Variants in CRYBG1 observed in about 807,000 individuals in gnomAD.
CRYBG1 encodes the protein crystallin beta-gamma domain containing 1.
CRYBG1 carries 139 observed loss-of-function variants against 189.2 expected under a neutral mutation model. The observed-to-expected ratio is 0.73, with a 90% CI of 0.64 to 0.85. CRYBG1 has a LOEUF of 0.85. Ranked by LOEUF, CRYBG1 falls within the 40% of genes least tolerant of loss-of-function variation. The pLI, the probability that CRYBG1 is intolerant of heterozygous loss-of-function variation, is 0.00. For synonymous variants in CRYBG1, 1,023 were observed against 1,017.1 expected (o/e 1.01, Z -0.11); for missense variants, 2,611 against 2,675.8 (o/e 0.98, Z 0.53).
intron 1 of CRYBG1, among the ~76,000 whole-genome samples, chr6:106,375,425 A>AAGTAAGTAAGTAAG (rs374045932): frequency 2.6e-4 from 31 of 120,436 alleles, no homozygotes; most frequent in African/African-American, 4.3e-4. Flanking sequence ...AAGTAAGTAA[A>AAGTAAGTAAGTAAG]TAAATAAATA....
intron 13 of CRYBG1, among the ~76,000 whole-genome samples, chr6:106,551,354 TTA>T (rs1774399775): frequency 6.6e-6 from 1 of 152,246 alleles, no homozygotes. Flanking sequence ...TCATTCTTTT[TTA>T]TGGCTGTATA....
chr6:106,464,009 T>C (rs1772063934), intron 2 of CRYBG1, among the ~76,000 whole-genome samples: 1 of 152,108 alleles, frequency 6.6e-6, no homozygotes, highest in Non-Finnish European at 1.5e-5. Flanking sequence ...AACCAAAATG[T>C]GTGAGTGGAG....
intron 18 of CRYBG1, 129 bp downstream of exon 18, chr6:106,558,754 G>T: frequency 1.4e-6 from 1 of 717,620 alleles, no homozygotes; most frequent in Non-Finnish European, 2.1e-6. Flanking sequence ...TTTGAATCCA[G>T]GGATTCAAGA....
At chr6:106,538,388 A>ATT (rs1562110350) in intron 8 of CRYBG1, among the ~76,000 whole-genome samples, 1 of 152,132 alleles carries the variant, frequency 6.6e-6, no homozygotes, top group African/African-American at 2.4e-5. Context: ...TGACAAGCTG[A>ATT]TAGAAGGGTG....
chr6:106,568,701 T>C lies in CRYBG1; in HGVS notation c.*135T>C. On this transcript the variant is annotated 3_prime_UTR_variant, in exon 22 of 22. Coordinates refer to ENST00000633556, the MANE Select transcript of CRYBG1 (RefSeq NM_001371242.2). ...TGATTCTAAATTCAACCTTAAATCA[T>C]GCTGCCATGACTCAGAGAACTTACT... 1.6e-6 allele frequency: 1 copy of C among 618,560 alleles called. No homozygotes were observed. The highest frequency in any genetic ancestry group is 1.8e-5 in the African/African-American group (1 of 54,620). The allele number at this position is 618,560 out of a possible 1,614,324, so 38.3% of individuals were successfully genotyped here. A position where few individuals can be genotyped will look rare whatever the true frequency, so the allele number is the denominator to read the frequency against.
chr6:106,440,974 G>A (rs549722615), intron 1 of CRYBG1, among the ~76,000 whole-genome samples: 1 of 152,182 alleles, frequency 6.6e-6, no homozygotes, highest in African/African-American at 2.4e-5. Flanking sequence ...TCTTTTTGCT[G>A]TAGTGTAATA....
chr6:106,553,234 C>G (rs920550199), intron 15 of CRYBG1, among the ~76,000 whole-genome samples: 4 of 152,178 alleles, frequency 2.6e-5, no homozygotes, highest in African/African-American at 4.8e-5. Flanking sequence ...TTGCATTTTA[C>G]TTTGATGTCT....
intron 1 of CRYBG1, among the ~76,000 whole-genome samples, chr6:106,436,931 T>G (rs1251807461): frequency 6.8e-6 from 1 of 147,474 alleles, no homozygotes; most frequent in Non-Finnish European, 1.5e-5. Context: ...CCGAGTAGTA[T>G]GTTAAACCAT....
rs373644273 is a variant in CRYBG1 at position 106,377,621 on chromosome 6, T to TTATA, written c.173+16564_173+16567dup. On this transcript the variant is annotated intron_variant, in intron 1 of 21. Coordinates refer to ENST00000633556, the MANE Select transcript of CRYBG1 (RefSeq NM_001371242.2). ...TGTGTAACTCATAAGTCCTAAGGTT[T>TTATA]TATATATATATATATATATATATAT... 2.3e-3 allele frequency among the ~76,000 whole-genome samples: 163 copies of TTATA among 69,490 alleles called. 10 individuals are homozygous for TTATA. The highest frequency in any genetic ancestry group is 9.3e-3 in the Middle Eastern group (1 of 108). The allele number at this position is 69,490 out of a possible 152,430, so 45.6% of individuals were successfully genotyped here.
intron 1 of CRYBG1, among the ~76,000 whole-genome samples, chr6:106,365,237 T>C (rs1471754557): frequency 6.6e-6 from 1 of 152,068 alleles, no homozygotes; most frequent in Non-Finnish European, 1.5e-5. Context: ...AAGACCAGCC[T>C]GGCCAACATG....
chr6:106,457,273 A>T (rs1424222923), intron 2 of CRYBG1: 3 of 152,194 alleles, frequency 2.0e-5, no homozygotes, highest in African/African-American at 7.2e-5. Context: ...GTGACCGAAC[A>T]TGCTAATGTG....
intron 13 of CRYBG1, among the ~76,000 whole-genome samples, chr6:106,547,723 C>A (rs1774298185): frequency 6.6e-6 from 1 of 152,184 alleles, no homozygotes; most frequent in Admixed American, 6.5e-5. Flanking sequence ...TCCCAGGAGG[C>A]TCACCATCAC....
chr6:106,366,299 C>T (rs1021084549), intron 1 of CRYBG1, among the ~76,000 whole-genome samples: 6 of 151,854 alleles, frequency 4.0e-5, no homozygotes, highest in African/African-American at 1.5e-4. Flanking sequence ...CTGAGTTTTC[C>T]CTCTTATTTT....
intron 1 of CRYBG1, among the ~76,000 whole-genome samples, chr6:106,365,096 A>G (rs763084756): frequency 4.6e-5 from 7 of 152,056 alleles, no homozygotes; most frequent in Non-Finnish European, 8.8e-5. Flanking sequence ...ACTTTGTGTT[A>G]TTTTGGTTTT....
In CRYBG1 at chr6:106,444,093, C is replaced by A. The variant is rs184886174; in HGVS notation, c.174-7601C>A. Among the ~76,000 whole-genome samples the A allele has an allele frequency of 8.7e-4, 132 of 152,222 alleles. No homozygotes were observed. In the Middle Eastern group the frequency reaches 0.014, roughly 16 times the overall value. On this transcript the variant is annotated intron_variant, in intron 1 of 21. Transcript: ENST00000633556. Reference sequence around the variant, plus strand: ...CTACAAAGGCTAACAATTGAAAATACCCTCTTTTGCATTATTAATTTGTTA... The same window carrying A: ...CTACAAAGGCTAACAATTGAAAATAACCTCTTTTGCATTATTAATTTGTTA...
intron 1 of CRYBG1, among the ~76,000 whole-genome samples, chr6:106,446,306 GT>G (rs1300583837): frequency 6.6e-6 from 1 of 152,176 alleles, no homozygotes; most frequent in African/African-American, 2.4e-5. Flanking sequence ...ACTTATGCAT[GT>G]TACAACCAAT....
chr6:106,494,659 ATAGAC>A (rs1047569152), intron 2 of CRYBG1, among the ~76,000 whole-genome samples: 2 of 152,216 alleles, frequency 1.3e-5, no homozygotes, highest in African/African-American at 4.8e-5. Context: ...AGTAGAAACT[ATAGAC>A]TAAATGTTAT....
chr6:106,468,748 A>C (rs1200500239), intron 2 of CRYBG1, among the ~76,000 whole-genome samples: 1 of 152,214 alleles, frequency 6.6e-6, no homozygotes, highest in Non-Finnish European at 1.5e-5. Flanking sequence ...AAACATGTAG[A>C]TGTGATACAT....
At chr6:106,456,769 A>G (rs1000368599) in intron 2 of CRYBG1, among the ~76,000 whole-genome samples, 2 of 152,012 alleles carry the variant, frequency 1.3e-5, no homozygotes, top group African/African-American at 4.8e-5. Context: ...AGTGCCCAAT[A>G]CCCAATCTCA....
Sources: allele counts gnomAD v4.1 joint callset (sites outside exome capture counted in the v4.1 genomes callset), GRCh38; gene constraint gnomAD v4.1.1; transcripts MANE v1.5; gene names NCBI Gene and HGNC (gene_info 2026-07-23, HGNC 2026-07-21).